Variants in SLC68A1 observed in about 807,000 individuals in gnomAD.
The protein encoded by SLC68A1 is solute carrier family 68 member 1.
At chr10:102,466,951 T>C in the SLC68A1 span, among the ~76,000 whole-genome samples, 4 of 152,228 alleles carry the variant, frequency 2.6e-5, no homozygotes, top group African/African-American at 9.6e-5. Flanking sequence ...GTGGCGGGCA[T>C]GGGGCCTCTC....
the SLC68A1 span, chr10:102,473,456 A>T: frequency 9.1e-7 from 1 of 1,097,038 alleles, no homozygotes. Flanking sequence ...AGCTCTTAGC[A>T]CAGAGCCCAG....
At chr10:102,462,958 C>A in the SLC68A1 span, among the ~76,000 whole-genome samples, 3 of 152,216 alleles carry the variant, frequency 2.0e-5, no homozygotes, top group African/African-American at 7.2e-5. Flanking sequence ...CTGACTCCCA[C>A]AGTTAAGCAG....
chr10:102,476,545 C>T, the SLC68A1 span: 1 of 985,974 alleles, frequency 1.0e-6, no homozygotes, highest in Non-Finnish European at 1.2e-6. Context: ...CTGCCTTCCT[C>T]TAGTGCAGCC....
At chr10:102,473,985 G>C in the SLC68A1 span, 1 of 1,608,622 alleles carries the variant, frequency 6.2e-7, no homozygotes, top group Non-Finnish European at 8.5e-7. Flanking sequence ...CCCGCTGCTG[G>C]GCACCTGGCT....
the SLC68A1 span, among the ~76,000 whole-genome samples, chr10:102,468,004 G>A: frequency 2.0e-5 from 3 of 149,908 alleles, no homozygotes. Flanking sequence ...GGTGGGCCGG[G>A]TGGTCTTGGG....
the SLC68A1 span, chr10:102,473,867 C>T: frequency 1.2e-6 from 2 of 1,614,116 alleles, no homozygotes; most frequent in Non-Finnish European, 1.7e-6. Context: ...CCTTGGTGGT[C>T]ACTGACCTGG....
the SLC68A1 span, among the ~76,000 whole-genome samples, chr10:102,462,934 G>A: frequency 6.6e-6 from 1 of 152,196 alleles, no homozygotes; most frequent in Non-Finnish European, 1.5e-5. Flanking sequence ...AGCCTCCCAG[G>A]CTGCCCCTTC....
the SLC68A1 span, among the ~76,000 whole-genome samples, chr10:102,465,351 G>C: frequency 3.3e-5 from 5 of 152,152 alleles, no homozygotes; most frequent in South Asian, 6.2e-4. Context: ...CTTGAACCCA[G>C]GAGGCGGAGG....
At chr10:102,470,307 T>C in the SLC68A1 span, among the ~76,000 whole-genome samples, 72,133 of 151,838 alleles carry the variant, frequency 0.48, 17,736 homozygotes, top group Middle Eastern at 0.62. Context: ...CTTGGCTTGG[T>C]TGGCCCCTCT....
chr10:102,469,009 G>A, the SLC68A1 span: 2 of 1,603,460 alleles, frequency 1.2e-6, no homozygotes, highest in Middle Eastern at 1.7e-4. Context: ...TGCTCCTGGG[G>A]CTAAGGCTGG....
the SLC68A1 span, chr10:102,476,042 GT>G: frequency 4.2e-6 from 4 of 958,208 alleles, no homozygotes; most frequent in South Asian, 3.1e-5. Flanking sequence ...GAAGGAGCCA[GT>G]TTTTTTTGGT....
chr10:102,464,082 G>T, the SLC68A1 span, among the ~76,000 whole-genome samples: 1 of 152,164 alleles, frequency 6.6e-6, no homozygotes, highest in Non-Finnish European at 1.5e-5. Context: ...CTGGCCCCAA[G>T]TAATCCTTCT....
At chr10:102,471,657 G>A in the SLC68A1 span, among the ~76,000 whole-genome samples, 1 of 152,122 alleles carries the variant, frequency 6.6e-6, no homozygotes. Context: ...TACTTGGGAG[G>A]CTGAGGCAGG....
chr10:102,465,475 C>A, the SLC68A1 span, among the ~76,000 whole-genome samples: 1 of 151,896 alleles, frequency 6.6e-6, no homozygotes, highest in Non-Finnish European at 1.5e-5. Flanking sequence ...ACGTAGCAGG[C>A]ACTTGGCTTT....
the SLC68A1 span, chr10:102,473,533 T>G: frequency 6.4e-7 from 1 of 1,560,038 alleles, no homozygotes; most frequent in Non-Finnish European, 8.7e-7. Context: ...ACTGCAGCAG[T>G]GCCCTTGACA....
chr10:102,473,702 G>T, the SLC68A1 span: 1 of 1,614,016 alleles, frequency 6.2e-7, no homozygotes, highest in African/African-American at 1.3e-5. Flanking sequence ...TTGTTGGCCG[G>T]CCCGGACCAC....
At chr10:102,476,362 C>A in the SLC68A1 span, 1 of 374,002 alleles carries the variant, frequency 2.7e-6, no homozygotes, top group Non-Finnish European at 3.7e-6. Context: ...GCCACTGTGG[C>A]CAACCTAATT....
At chr10:102,471,321 C>T in the SLC68A1 span, 13 of 1,613,988 alleles carry the variant, frequency 8.1e-6, no homozygotes, top group Non-Finnish European at 1.1e-5. Flanking sequence ...CGGACAGCAT[C>T]ACCTTGGGCC....
chr10:102,462,788 T>C, the SLC68A1 span, among the ~76,000 whole-genome samples: 1 of 152,206 alleles, frequency 6.6e-6, no homozygotes, highest in African/African-American at 2.4e-5. Context: ...TGAGCTCTCT[T>C]CCCAGATTGT....
Sources: allele counts gnomAD v4.1 joint callset (sites outside exome capture counted in the v4.1 genomes callset), GRCh38; gene constraint gnomAD v4.1.1; transcripts MANE v1.5; gene names NCBI Gene and HGNC (gene_info 2026-07-23, HGNC 2026-07-21).